Variants in TCF3 observed in about 807,000 individuals in gnomAD.
TCF3 encodes the protein transcription factor E2-alpha.
A neutral mutation model predicts 72.3 loss-of-function variants in TCF3; 54 were observed. The ratio of observed to expected loss-of-function variants is 0.75; its 90% confidence interval spans 0.60 to 0.94. The LOEUF (loss-of-function observed/expected upper bound fraction) is 0.94. Ranked by LOEUF, TCF3 falls within the 40% of genes least tolerant of loss-of-function variation. The pLI, the probability that TCF3 is intolerant of heterozygous loss-of-function variation, is 0.00. For synonymous variants in TCF3, 525 were observed against 412.6 expected (o/e 1.27, Z -3.30); for missense variants, 1,078 against 934.4 (o/e 1.15, Z -2.00).
chr19:1,620,791 C>T (rs1013228502), intron 13 of TCF3, among the ~76,000 whole-genome samples, 177 bp downstream of exon 13: 2 of 152,168 alleles, frequency 1.3e-5, no homozygotes, highest in South Asian at 2.1e-4. Flanking sequence ...TCCTGACCAG[C>T]GATGCCACGG....
At position 1,621,191 on chromosome 19, in the gene TCF3, C is replaced by G; in HGVS notation, c.956G>C (p.Gly319Ala). 1 of 1,535,810 alleles carries G rather than the reference C, an allele frequency of 6.5e-7. No individual in the cohort carries two copies. Among genetic ancestry groups the G allele is most frequent in the Non-Finnish European group, 8.7e-7 (1 of 1,146,084 alleles). The change falls in exon 12 of 19, where the codon GGC (glycine) becomes GCC (alanine). Residue 319 changes from glycine (G) to alanine (A), a missense_variant and splice_region_variant. Coordinates refer to ENST00000262965, the MANE Select transcript of TCF3 (RefSeq NM_003200.5). ...GCTGCCAGCTGTGGTCCCTCGGGAG[C>G]CTGTGGGTGAAGAGAGGTGAGGCCC... ...PPVSGADSLL[G>A]SRGTTAGSSG...
At position 1,613,178 on chromosome 19, in the gene TCF3, A is replaced by C. The variant is rs551427476; in HGVS notation, c.1823-1329T>G. ...TGATGTGTGTGTTGTCACATGCGTG[A>C]AAATGTGCTTCTCTGTGCACGCGGC... On this transcript the variant is annotated intron_variant, in intron 18 of 18. Transcript: ENST00000262965. Among the ~76,000 whole-genome samples, 7 of 152,280 alleles carry C rather than the reference A, an allele frequency of 4.6e-5. No homozygotes were observed. The East Asian group carries it at 1.3e-3, about 29-fold the overall frequency.
chr19:1,630,764 A>G (rs1413577675), intron 5 of TCF3, among the ~76,000 whole-genome samples: 1 of 152,198 alleles, frequency 6.6e-6, no homozygotes, highest in Non-Finnish European at 1.5e-5. Flanking sequence ...TGACCACGAC[A>G]GCGGGACCCC....
chr19:1,634,907 C>G (rs1165609864), intron 3 of TCF3, among the ~76,000 whole-genome samples: 1 of 152,198 alleles, frequency 6.6e-6, no homozygotes, highest in African/African-American at 2.4e-5. Context: ...CAATAGAGAC[C>G]ATCTGTCCTG....
chr19:1,639,895 G>C (rs1049296964), intron 3 of TCF3, among the ~76,000 whole-genome samples: 6 of 152,074 alleles, frequency 3.9e-5, no homozygotes, highest in Non-Finnish European at 4.4e-5. Flanking sequence ...TCAGCAAAAG[G>C]GGCCTGTGAT....
intron 8 of TCF3, 25 bp downstream of exon 8, chr19:1,623,926 G>C: frequency 6.2e-7 from 1 of 1,612,326 alleles, no homozygotes; most frequent in Non-Finnish European, 8.5e-7. Context: ...GAGCTGTGGG[G>C]TCCCTTCTCC....
chr19:1,629,536 G>A (rs989589968), intron 5 of TCF3, among the ~76,000 whole-genome samples: 64 of 151,956 alleles, frequency 4.2e-4, no homozygotes, highest in African/African-American at 1.4e-3. Context: ...TGGCCAAGGC[G>A]AGCCCCCAGC....
chr19:1,642,529 CAA>C (rs1447350931), intron 3 of TCF3, among the ~76,000 whole-genome samples: 2 of 152,182 alleles, frequency 1.3e-5, no homozygotes, highest in Admixed American at 6.5e-5. Context: ...GACGAGGGCC[CAA>C]GAGAGTAACA....
rs202102034 is a variant in TCF3, at chr19:1,615,517, T to C, written c.1590A>G (p.Pro530=). 2.5e-6 allele frequency: 4 copies of C among 1,607,782 alleles called. No homozygotes were observed. The highest frequency in any genetic ancestry group is 1.3e-5 in the African/African-American group (1 of 75,006). Residue 530 remains proline (P), a synonymous_variant, in exon 18 of 19, where the codon CCA becomes CCG. Coordinates refer to ENST00000262965, the MANE Select transcript of TCF3 (RefSeq NM_003200.5). The surrounding 1 kb of genome is among the most constrained non-coding windows in gnomAD (Gnocchi z 7.3). ...ELKAPRARTS[P]DEDEDDLLPP... ...GGAGAAGGTCGTCCTCGTCCTCGTC[T>C]GGGCTATGGGGAGGGCGCCGGGAGG...
Position 1,622,091 on chromosome 19 carries a change from C to T in TCF3, c.785G>A (p.Ser262Asn). The T allele has an allele frequency of 6.2e-7, 1 of 1,606,292 alleles. No individual in the cohort carries two copies. The highest frequency in any genetic ancestry group is 8.5e-7 in the Non-Finnish European group (1 of 1,177,910). ...CTGGTGCAGGCCACCAAACGTGCTG[C>T]TGCTTCCACTGCTGCCCACCGGGCC... Reference protein sequence around the residue: ...GSGPVGSSGSSSTFGGLHQHE... With the variant: ...GSGPVGSSGSNSTFGGLHQHE... Residue 262 changes from serine to asparagine, a missense_variant, in exon 10 of 19, where the codon AGC becomes AAC. Physicochemically the swap from Ser to Asn is conservative, Grantham distance 46. Transcript: ENST00000262965.
intron 3 of TCF3, among the ~76,000 whole-genome samples, chr19:1,642,380 A>G (rs1041078252): frequency 6.6e-6 from 1 of 152,184 alleles, no homozygotes; most frequent in African/African-American, 2.4e-5. Context: ...GACGGCACCA[A>G]TGTCGGCTTC....
chr19:1,611,930 CGG>C (rs529618842), intron 18 of TCF3, 81 bp from the exon 19 acceptor site: 450 of 173,740 alleles, frequency 2.6e-3, no homozygotes, highest in South Asian at 4.9e-3. Context: ...GGTAGGATGT[CGG>C]GGGGGGGGGT....
Position 1,622,141 on chromosome 19 carries a change from G to C in TCF3, c.735C>G (p.Ser245=), listed in dbSNP as rs373823321. Residue 245 remains serine, a synonymous_variant, in exon 10 of 19, where the codon TCC becomes TCG. Coordinates refer to ENST00000262965, the MANE Select transcript of TCF3 (RefSeq NM_003200.5). Reference sequence around the variant, plus strand: ...CGCTACCGGGCGGGAGGGGCAGCGGGGATGAGCCCCCACCCAGCATGGGCC... The same window carrying C: ...CGCTACCGGGCGGGAGGGGCAGCGGCGATGAGCCCCCACCCAGCATGGGCC... ...GFGPMLGGGS[S]PLPLPPGSGP... 2.1e-5 allele frequency: 34 copies of C among 1,587,294 alleles called. No homozygotes were observed. Among genetic ancestry groups the C allele is most frequent in the Non-Finnish European group, 2.7e-5 (32 of 1,169,274 alleles).
rs542393627 is a variant in TCF3 at position 1,641,670 on chromosome 19, C to T, written c.145+4685G>A. The stretch of plus-strand genomic sequence containing the variant: ...GTTTCGCCACGTTGACTAGGCTGGT[C>T]TTGAACTCCTGGCCTCATGTGATCC... On this transcript the variant is annotated intron_variant, in intron 3 of 18. Transcript: ENST00000262965. Among the ~76,000 whole-genome samples, 127 of 152,166 alleles carry T rather than the reference C, an allele frequency of 8.3e-4. 2 individuals are homozygous for T. The South Asian group carries it at 0.026, about 31-fold the overall frequency.
Position 1,622,346 on chromosome 19 carries a change from TG to T in TCF3, c.618del (p.Ser207AlafsTer77), listed in dbSNP as rs1212285519. 3 of 1,381,210 alleles carry T rather than the reference TG, an allele frequency of 2.2e-6. No homozygotes were observed. The highest frequency in any genetic ancestry group is 9.6e-7 in the Non-Finnish European group (1 of 1,046,516). The allele number at this position is 1,381,210 out of a possible 1,614,324, so 85.6% of individuals were successfully genotyped here. On this transcript the variant is annotated frameshift_variant, in exon 9 of 19. Transcript: ENST00000262965. LOFTEE classifies it high-confidence loss of function. ...DATAYPSAKT[P>X]SSTYPAPFYV... ...TAGAAGGGGGCGGGATAGGTGCTGC[TG>T]GGGGTCTTGGCGGACGGGTAGGCGG...
At position 1,643,967 on chromosome 19, in the gene TCF3, G is replaced by A. The variant is rs10405919; in HGVS notation, c.145+2388C>T. Among the ~76,000 whole-genome samples the A allele has an allele frequency of 3.5e-3, 534 of 152,312 alleles. 3 individuals carry two copies. The highest frequency in any genetic ancestry group is 0.012 in the African/African-American group (495 of 41,566). ...TTGGGGACTCCTGGCGAAGGGTGGCGTCCCCGAAGCCAACTAGGCCCCGCC... is the reference window on the plus strand; with the variant it reads ...TTGGGGACTCCTGGCGAAGGGTGGCATCCCCGAAGCCAACTAGGCCCCGCC... On this transcript the variant is annotated intron_variant, in intron 3 of 18. Transcript: ENST00000262965.
rs764435471 is a variant in TCF3, at chr19:1,615,451, C to T, written c.1656G>A (p.Val552=). The change falls in exon 18 of 19, where the codon GTG becomes GTA. Residue 552 remains valine (V), a synonymous_variant. Coordinates refer to ENST00000262965, the MANE Select transcript of TCF3 (RefSeq NM_003200.5). The surrounding 1 kb of genome is among the most constrained non-coding windows in gnomAD (Gnocchi z 7.3). ...GCAGCCGCTCCCGGGCGTTATTGGC[C>T]ACCCGGCGCTCCTTCTCCCGCTCGG... is the stretch of plus-strand genomic sequence containing the variant. ...QKAEREKERR[V]ANNARERLRV... 1 of 1,613,202 alleles carries T rather than the reference C, an allele frequency of 6.2e-7. No individual in the cohort carries two copies. Among genetic ancestry groups the T allele is most frequent in the Non-Finnish European group, 8.5e-7 (1 of 1,179,986 alleles).
At chr19:1,639,454 C>A (rs112161629) in intron 3 of TCF3, among the ~76,000 whole-genome samples, 1 of 152,086 alleles carries the variant, frequency 6.6e-6, no homozygotes, top group African/African-American at 2.4e-5. Flanking sequence ...ACAGAGAAAC[C>A]GACAAACAGA....
chr19:1,615,149 G>T lies in TCF3; in HGVS notation c.1822+136C>A. On this transcript the variant is annotated intron_variant, in intron 18 of 18. Coordinates refer to ENST00000262965, the MANE Select transcript of TCF3 (RefSeq NM_003200.5). The surrounding 1 kb of genome is among the most constrained non-coding windows in gnomAD (Gnocchi z 7.3). ...GGCAATGCGGTCAGAGGGGTGAAGG[G>T]CACAGTCACTGCAAGGAGGCAACTG... 1.9e-6 allele frequency: 2 copies of T among 1,054,838 alleles called. No homozygotes were observed. Among genetic ancestry groups the T allele is most frequent in the Non-Finnish European group, 2.7e-6 (2 of 749,250 alleles). The allele number at this position is 1,054,838 out of a possible 1,614,324, so 65.3% of individuals were successfully genotyped here.
Sources: gnomAD v4.1 joint callset for allele counts (sites outside exome capture counted in the v4.1 genomes callset) on GRCh38, gnomAD v4.1.1 for gene constraint, Gnocchi (gnomAD v3.1) non-coding constraint, MANE v1.5 for transcripts, NCBI Gene and HGNC (gene_info 2026-07-23, HGNC 2026-07-21) for gene names.